CHRM3: variants seen among roughly 807,000 people sequenced by gnomAD.
The protein encoded by CHRM3 is cholinergic receptor muscarinic 3.
In CHRM3, 11 loss-of-function variants were observed where a neutral mutation model predicts 41.8. The observed-to-expected ratio is 0.26, with a 90% CI of 0.17 to 0.44. The LOEUF is 0.44. Among genes scored for constraint, CHRM3 ranks in the 20% least tolerant of loss-of-function variants. The pLI is 1.00. For missense variants in CHRM3, 571 were observed against 745.4 expected (o/e 0.77, Z 2.72); for synonymous variants, 297 against 301.4 (o/e 0.99, Z 0.15).
chr1:239,504,701 G>A (rs1250064601), intron 2 of CHRM3, among the ~76,000 whole-genome samples: 2 of 152,054 alleles, frequency 1.3e-5, no homozygotes, highest in African/African-American at 4.8e-5. Context: ...AGAAATTATG[G>A]TATATTTATA....
chr1:239,744,882 T>C (rs73112719), intron 5 of CHRM3, among the ~76,000 whole-genome samples: 4,215 of 151,942 alleles, frequency 0.028, 207 homozygotes, highest in African/African-American at 0.093. Flanking sequence ...AGATGATCCA[T>C]TGGGGTGGGA....
intron 1 of CHRM3, among the ~76,000 whole-genome samples, chr1:239,487,889 A>C (rs527981659): frequency 2.0e-5 from 3 of 151,956 alleles, no homozygotes; most frequent in Non-Finnish European, 4.4e-5. Flanking sequence ...AAGACAAAAA[A>C]AAGAAAAATA....
chr1:239,536,497 T>C (rs1340923184), intron 2 of CHRM3, among the ~76,000 whole-genome samples: 2 of 152,208 alleles, frequency 1.3e-5, no homozygotes, highest in Non-Finnish European at 2.9e-5. Context: ...GTGTAAATAT[T>C]GTAATTCCAA....
At chr1:239,495,101 T>G (rs1031647643) in intron 2 of CHRM3, among the ~76,000 whole-genome samples, 1 of 152,220 alleles carries the variant, frequency 6.6e-6, no homozygotes, top group African/African-American at 2.4e-5. Flanking sequence ...ATCCCAGCTT[T>G]TATTCCAATG....
intron 3 of CHRM3, chr1:239,546,711 C>G (rs1159478638): frequency 2.0e-5 from 3 of 152,176 alleles, no homozygotes; most frequent in African/African-American, 7.2e-5. Flanking sequence ...GCTGCTGCTT[C>G]TCTCCATCGT....
chr1:239,663,232 TC>T (rs1172183671), intron 4 of CHRM3, among the ~76,000 whole-genome samples: 4 of 152,034 alleles, frequency 2.6e-5, no homozygotes, highest in Admixed American at 6.6e-5. Context: ...CCCCTCCTTT[TC>T]CAGCAGATCA....
At chr1:239,435,178 G>A (rs1663138061) in intron 1 of CHRM3, among the ~76,000 whole-genome samples, 1 of 150,300 alleles carries the variant, frequency 6.7e-6, no homozygotes. Context: ...ACAGCTGGGA[G>A]CGATGGCTCA....
chr1:239,743,963 T>C (rs371309651), intron 5 of CHRM3, among the ~76,000 whole-genome samples: 61 of 147,910 alleles, frequency 4.1e-4, no homozygotes, highest in African/African-American at 1.4e-3. Context: ...CCCGGCTAAT[T>C]TTTTTTTTAA....
At chr1:239,726,126 A>G (rs1300967130) in intron 5 of CHRM3, among the ~76,000 whole-genome samples, 2 of 152,062 alleles carry the variant, frequency 1.3e-5, no homozygotes, top group East Asian at 3.9e-4. Flanking sequence ...GAGTAATTCC[A>G]ACAATGCCTT....
chr1:239,469,301 G>A (rs902408848), intron 1 of CHRM3, among the ~76,000 whole-genome samples: 7 of 152,178 alleles, frequency 4.6e-5, no homozygotes, highest in South Asian at 2.1e-4. Flanking sequence ...TACGTTGTAT[G>A]TGAAATTTAT....
chr1:239,535,794 G>C (rs750504652), intron 2 of CHRM3, among the ~76,000 whole-genome samples: 16 of 151,980 alleles, frequency 1.1e-4, no homozygotes, highest in Non-Finnish European at 1.6e-4. Flanking sequence ...GAGGTCAGTG[G>C]CTGTTAATGG....
At chr1:239,859,685 G>A (rs1301819763) in intron 6 of CHRM3, among the ~76,000 whole-genome samples, 1 of 151,246 alleles carries the variant, frequency 6.6e-6, no homozygotes, top group Non-Finnish European at 1.5e-5. Flanking sequence ...CAAATTGCTA[G>A]GATTACAGGC....
intron 3 of CHRM3, among the ~76,000 whole-genome samples, chr1:239,573,181 A>G (rs115753838): frequency 0.036 from 5,438 of 151,994 alleles, 358 homozygotes; most frequent in African/African-American, 0.13. Context: ...TTTAGTGCCA[A>G]CTTTTTTGCA....
At chr1:239,854,372 C>T (rs935622426) in intron 6 of CHRM3, among the ~76,000 whole-genome samples, 2 of 151,506 alleles carry the variant, frequency 1.3e-5, no homozygotes, top group Non-Finnish European at 2.9e-5. Flanking sequence ...TGGTGATGTA[C>T]AGTGAACAAC....
At chr1:239,766,423 T>C (rs1667211651) in intron 5 of CHRM3, among the ~76,000 whole-genome samples, 1 of 151,930 alleles carries the variant, frequency 6.6e-6, no homozygotes, top group Non-Finnish European at 1.5e-5. Context: ...AACTAATAGA[T>C]ATCAGGCTTA....
chr1:239,446,878 G>A (rs997246360), intron 1 of CHRM3, among the ~76,000 whole-genome samples: 5 of 152,144 alleles, frequency 3.3e-5, no homozygotes, highest in African/African-American at 1.2e-4. Context: ...TGTTAGTAAT[G>A]TTTGTTTAGG....
intron 1 of CHRM3, among the ~76,000 whole-genome samples, chr1:239,399,750 T>TAGACACTTATTCTTCTGTTGAA (rs1659807843): frequency 3.3e-5 from 5 of 152,170 alleles, no homozygotes; most frequent in Admixed American, 2.6e-4. Context: ...CTTCTGTTGA[T>TAGACACTTATTCTTCTGTTGAA]AGACACTTAG....
intron 3 of CHRM3, among the ~76,000 whole-genome samples, chr1:239,546,987 C>T (rs1659360953): frequency 6.6e-6 from 1 of 152,098 alleles, no homozygotes; most frequent in South Asian, 2.1e-4. Flanking sequence ...TTAACAAATA[C>T]ATTCAGTAAT....
rs547581438 is a variant in CHRM3 at position 239,655,812 on chromosome 1, C to A, written c.-249-22374C>A. On this transcript the variant is annotated intron_variant, in intron 4 of 6. Coordinates refer to ENST00000676153, the MANE Select transcript of CHRM3 (RefSeq NM_001375978.1). ...AAGCAATTGCTTTGACATCCATTGC[C>A]CTTTTTGTAAAAATAAATATTAAGA... is the stretch of plus-strand genomic sequence containing the variant. Among the ~76,000 whole-genome samples the A allele has an allele frequency of 3.9e-5, 6 of 152,102 alleles. No individual in the cohort carries two copies. The East Asian group carries it at 1.2e-3, about 29-fold the overall frequency.
Sources: allele counts gnomAD v4.1 joint callset (sites outside exome capture counted in the v4.1 genomes callset), GRCh38; gene constraint gnomAD v4.1.1; transcripts MANE v1.5; gene names NCBI Gene and HGNC (gene_info 2026-07-23, HGNC 2026-07-21).